MCEE: variants seen among roughly 807,000 people sequenced by gnomAD.
The protein encoded by MCEE is methylmalonyl-CoA epimerase, also known as methylmalonyl-CoA epimerase, mitochondrial.
Under a neutral mutation model 12.9 loss-of-function variants are expected in MCEE, and 6 were observed. That is an observed-to-expected ratio of 0.47 (90% CI 0.26 to 0.92). MCEE has a LOEUF of 0.92. MCEE is among the 40% of genes least tolerant of loss of function. MCEE has a pLI of 0.16. For missense variants in MCEE, 214 were observed against 212.1 expected, an observed-to-expected ratio of 1.01 and a Z score of -0.05; for synonymous variants, 78 against 77.9, an observed-to-expected ratio of 1.00 and a Z score of -0.01.
chr2:71,125,212 T>TATATA (rs1553440375), intron 1 of MCEE, among the ~76,000 whole-genome samples: 3 of 33,620 alleles, frequency 8.9e-5, no homozygotes, highest in South Asian at 1.1e-3. Flanking sequence ...TATATATATA[T>TATATA]TTTTTTTTTT....
chr2:71,125,561 T>G (rs962215272), intron 1 of MCEE, among the ~76,000 whole-genome samples: 2 of 151,836 alleles, frequency 1.3e-5, no homozygotes, highest in Admixed American at 1.3e-4. Flanking sequence ...CAGGCTGGTC[T>G]CAAACTCCTG....
Position 71,124,570 on chromosome 2 carries a change from C to T in MCEE, c.41-27G>A, listed in dbSNP as rs550947127. 7.5e-5 allele frequency: 117 copies of T among 1,564,100 alleles called. No individual in the cohort carries two copies. The South Asian group carries it at 1.3e-3, about 17-fold the overall frequency. ...TGAAAAATTGAACAGCCATTGATAT[C>T]CTTCTTTTGAGAATTAACGCACTTC... is the stretch of plus-strand genomic sequence containing the variant. On this transcript the variant is annotated intron_variant, in intron 1 of 2. Coordinates refer to ENST00000244217, the MANE Select transcript of MCEE (RefSeq NM_032601.4).
At chr2:71,111,669 T>C (rs1672887826) in intron 2 of MCEE, among the ~76,000 whole-genome samples, 1 of 152,192 alleles carries the variant, frequency 6.6e-6, no homozygotes, top group South Asian at 2.1e-4. Flanking sequence ...GTTCACTCTC[T>C]GTGCAGCTCT....
Position 71,124,470 on chromosome 2 carries a change from C to A in MCEE, c.114G>T (p.Val38=). Residue 38 remains valine (V), a synonymous_variant, in exon 2 of 3, where the codon GTG becomes GTT. Coordinates refer to ENST00000244217, the MANE Select transcript of MCEE (RefSeq NM_032601.4). ...GACCCAGGTTCCACACAGAACCTGT[C>A]ACTTGATCCAAGGGCTGTGATGTGG... ...ASSTSQPLDQ[V]TGSVWNLGRL... 6.2e-7 allele frequency: 1 copy of A among 1,614,088 alleles called. No homozygotes were observed. Among genetic ancestry groups the A allele is most frequent in the South Asian group, 1.1e-5 (1 of 91,084 alleles).
chr2:71,127,218 A>T (rs1673252623), intron 1 of MCEE, among the ~76,000 whole-genome samples: 1 of 152,204 alleles, frequency 6.6e-6, no homozygotes, highest in Admixed American at 6.5e-5. Context: ...GTGTATGTTA[A>T]CTCTCATTCC....
chr2:71,124,162 A>C (rs1193446519), intron 2 of MCEE, 44 bp downstream of exon 2: 1 of 1,443,748 alleles, frequency 6.9e-7, no homozygotes, highest in Non-Finnish European at 9.7e-7. Context: ...GACATTTTTT[A>C]AAAGAGAGAT....
intron 2 of MCEE, among the ~76,000 whole-genome samples, chr2:71,111,530 A>G (rs1049633243): frequency 6.6e-5 from 10 of 152,152 alleles, no homozygotes; most frequent in African/African-American, 2.4e-4. Flanking sequence ...TAGTAAGAAA[A>G]AACTATCCCC....
In MCEE at chr2:71,122,833, A is replaced by G. The variant is rs549591276; in HGVS notation, c.378+1373T>C. Among the ~76,000 whole-genome samples the G allele has an allele frequency of 4.9e-4, 74 of 152,312 alleles. 1 individual carries two copies. The highest frequency in any genetic ancestry group is 1.8e-3 in the African/African-American group (73 of 41,560). Reference sequence around the variant, plus strand: ...TTATGATAACTCTATGCCTTTCCACATGCAATTCCCTCTGCCTGAAATAAC... The same window carrying G: ...TTATGATAACTCTATGCCTTTCCACGTGCAATTCCCTCTGCCTGAAATAAC... On this transcript the variant is annotated intron_variant, in intron 2 of 2. Transcript: ENST00000244217.
intron 1 of MCEE, chr2:71,129,894 G>C (rs1337984697): frequency 3.6e-6 from 2 of 555,714 alleles, no homozygotes; most frequent in Admixed American, 3.1e-5. Flanking sequence ...CTGACCTGCC[G>C]GGCAAGTTCC....
At chr2:71,122,514 G>A (rs1673118779) in intron 2 of MCEE, among the ~76,000 whole-genome samples, 1 of 152,158 alleles carries the variant, frequency 6.6e-6, no homozygotes, top group Admixed American at 6.5e-5. Context: ...ACGTGGCTGG[G>A]GAGGCCTCAC....
rs1400806168 is a variant in MCEE, at chr2:71,110,116, T to C, written c.385A>G (p.Asn129Asp). The C allele has an allele frequency of 2.5e-6, 4 of 1,612,104 alleles. No homozygotes were observed. The highest frequency in any genetic ancestry group is 1.1e-5 in the South Asian group (1 of 91,046). The change falls in exon 3 of 3, where the codon AAT (asparagine) becomes GAT (aspartate). Residue 129 changes from asparagine (N) to aspartate (D), a missense_variant. Transcript: ENST00000244217. ...GMHHICIEVDNINAAVMDLKK... is the reference protein window; with the variant it reads ...GMHHICIEVDDINAAVMDLKK... ...AAATCCATCACAGCTGCATTAATAT[T>C]ATCCACCTTAAGAAAGGGAAATAAA...
chr2:71,124,953 A>G (rs1209148744), intron 1 of MCEE, among the ~76,000 whole-genome samples: 1 of 151,802 alleles, frequency 6.6e-6, no homozygotes, highest in Non-Finnish European at 1.5e-5. Context: ...ATATTTTGTA[A>G]TAAGTTCATT....
chr2:71,123,270 T>C (rs999790229), intron 2 of MCEE, among the ~76,000 whole-genome samples: 1 of 152,138 alleles, frequency 6.6e-6, no homozygotes, highest in South Asian at 2.1e-4. Context: ...CGTAGGTGAA[T>C]CACCTGAGGT....
intron 1 of MCEE, among the ~76,000 whole-genome samples, chr2:71,124,882 G>A (rs1170883331): frequency 1.3e-5 from 2 of 152,006 alleles, no homozygotes; most frequent in Non-Finnish European, 2.9e-5. Context: ...ATTTCACAAT[G>A]AAACAACATA....
chr2:71,121,268 C>G (rs1230009242), intron 2 of MCEE, among the ~76,000 whole-genome samples: 1 of 152,156 alleles, frequency 6.6e-6, no homozygotes, highest in Non-Finnish European at 1.5e-5. Flanking sequence ...AAGCCACTTG[C>G]CAGGTATTCC....
intron 2 of MCEE, among the ~76,000 whole-genome samples, chr2:71,114,975 T>C (rs1413109719): frequency 6.6e-6 from 1 of 152,200 alleles, no homozygotes; most frequent in African/African-American, 2.4e-5. Context: ...TGATTATGAA[T>C]ATTTTCATTT....
Position 71,120,738 on chromosome 2 carries a change from A to AT in MCEE, c.378+3467dup, listed in dbSNP as rs56309920. On this transcript the variant is annotated intron_variant, in intron 2 of 2. Coordinates refer to ENST00000244217, the MANE Select transcript of MCEE (RefSeq NM_032601.4). ...CCAATTCTCTGATGAGTGGTTCAAC[A>AT]TTTTTTTTTTTTTTCCTGAGATGGA... Among the ~76,000 whole-genome samples the AT allele has an allele frequency of 4.8e-3, 700 of 145,066 alleles. 8 individuals are homozygous for AT. Among genetic ancestry groups the AT allele is most frequent in the Non-Finnish European group, 7.4e-3 (498 of 67,094 alleles).
At chr2:71,112,007 G>A (rs2103773240) in intron 2 of MCEE, among the ~76,000 whole-genome samples, 1 of 152,250 alleles carries the variant, frequency 6.6e-6, no homozygotes, top group African/African-American at 2.4e-5. Context: ...TTTCTAAATT[G>A]GCAGGTTTTT....
At chr2:71,129,753 G>C in intron 1 of MCEE, 1 of 280,256 alleles carries the variant, frequency 3.6e-6, no homozygotes, top group East Asian at 9.1e-5. Flanking sequence ...GTCACGCTTG[G>C]AGTTCGGCCG....
Sources: gnomAD v4.1 joint callset for allele counts (sites outside exome capture counted in the v4.1 genomes callset) on GRCh38, gnomAD v4.1.1 for gene constraint, MANE v1.5 for transcripts, NCBI Gene and HGNC (gene_info 2026-07-23, HGNC 2026-07-21) for gene names.